CDH13: variants seen among roughly 807,000 people sequenced by gnomAD.
CDH13 encodes cadherin-13.
CDH13 carries 24 observed loss-of-function variants against 63.8 expected under a neutral mutation model. That is an observed-to-expected ratio of 0.38 (90% confidence interval 0.27 to 0.53). CDH13 has a LOEUF of 0.53. Among genes scored for constraint, CDH13 ranks in the 20% least tolerant of loss-of-function variants. The pLI, the probability that CDH13 is intolerant of heterozygous loss-of-function variation, is 0.85. For missense variants in CDH13, 1,049 were observed against 903.1 expected, an observed-to-expected ratio of 1.16 and a Z score of -2.07; for synonymous variants, 503 against 355.3, an observed-to-expected ratio of 1.42 and a Z score of -4.67.
intron 2 of CDH13, among the ~76,000 whole-genome samples, chr16:82,870,669 G>C (rs914197766): frequency 6.6e-6 from 1 of 151,974 alleles, no homozygotes. Flanking sequence ...AAATGATAAA[G>C]GTCTGAAGTG....
At position 82,787,732 on chromosome 16, in the gene CDH13, T is replaced by C. The variant is rs151265287; in HGVS notation, c.46-70630T>C. Reference sequence around the variant, plus strand: ...GGCTGGACTCAATCCCAAATTAGGCTCATTAATCATGCTCTTGATTTTAAT... The same window carrying C: ...GGCTGGACTCAATCCCAAATTAGGCCCATTAATCATGCTCTTGATTTTAAT... On this transcript the variant is annotated intron_variant, in intron 1 of 13. Transcript: ENST00000567109. Among the ~76,000 whole-genome samples the C allele has an allele frequency of 4.2e-3, 634 of 149,510 alleles. 5 individuals are homozygous for C. Among genetic ancestry groups the C allele is most frequent in the South Asian group, 0.019 (89 of 4,648 alleles).
At chr16:82,947,825 C>T (rs1379622198) in intron 2 of CDH13, among the ~76,000 whole-genome samples, 1 of 150,778 alleles carries the variant, frequency 6.6e-6, no homozygotes, top group Non-Finnish European at 1.5e-5. Flanking sequence ...TGATAAACTG[C>T]TGAAAGTAGT....
In CDH13 at chr16:82,884,147, T is replaced by C. The variant is rs535716249; in HGVS notation, c.157+25674T>C. On this transcript the variant is annotated intron_variant, in intron 2 of 13. Coordinates refer to ENST00000567109, the MANE Select transcript of CDH13 (RefSeq NM_001257.5). ...TGAATGCATGTCTGCATGCACGCTG[T>C]TTCTTTCCTTATGCTGTTTCTTTCC... is the stretch of plus-strand genomic sequence containing the variant. The C allele has an allele frequency of 1.7e-3, 751 of 455,106 alleles. 10 individuals are homozygous for C. The highest frequency in any genetic ancestry group is 0.011 in the South Asian group (695 of 64,484). The allele number at this position is 455,106 out of a possible 1,614,324, so 28.2% of individuals were successfully genotyped here. A position where few individuals can be genotyped will look rare whatever the true frequency, so the allele number is the denominator to read the frequency against.
At chr16:83,074,715 A>T (rs944139942) in intron 3 of CDH13, among the ~76,000 whole-genome samples, 1 of 152,164 alleles carries the variant, frequency 6.6e-6, no homozygotes, top group African/African-American at 2.4e-5. Context: ...GCCTTCCTTC[A>T]TAGCCATCGT....
chr16:83,759,227 AG>A (rs1913755501), intron 11 of CDH13, among the ~76,000 whole-genome samples: 5 of 152,244 alleles, frequency 3.3e-5, no homozygotes, highest in Admixed American at 2.6e-4. Flanking sequence ...TAGAGAATTC[AG>A]GAAGAATTCC....
rs1241532578 is a variant in CDH13 at position 83,797,033 on chromosome 16, C to T, written c.*2003C>T. The stretch of plus-strand genomic sequence containing the variant: ...CGACTCAGGGACAGGGGAATCTAAG[C>T]CTGTGCATTCACACTCCACAAGATT... On this transcript the variant is annotated 3_prime_UTR_variant, in exon 14 of 14. Transcript: ENST00000567109. 3 of 152,210 alleles carry T rather than the reference C, an allele frequency of 2.0e-5. No homozygotes were observed. The highest frequency in any genetic ancestry group is 4.4e-5 in the Non-Finnish European group (3 of 68,056). The allele number at this position is 152,210 out of a possible 1,614,324, so 9.4% of individuals were successfully genotyped here.
intron 7 of CDH13, among the ~76,000 whole-genome samples, chr16:83,562,869 A>G (rs1213645134): frequency 2.0e-5 from 3 of 152,198 alleles, no homozygotes; most frequent in Non-Finnish European, 4.4e-5. Flanking sequence ...TGTTACTATA[A>G]AGGACCCTGA....
Position 83,746,628 on chromosome 16 carries a change from T to C in CDH13, c.1539-1480T>C, listed in dbSNP as rs188289296. Reference sequence around the variant, plus strand: ...TTTTAAACATCCTTAGACCCAAATCTGGCCATACAAGGCAGAGAAAATCAA... The same window carrying C: ...TTTTAAACATCCTTAGACCCAAATCCGGCCATACAAGGCAGAGAAAATCAA... On this transcript the variant is annotated intron_variant, in intron 10 of 13. Coordinates refer to ENST00000567109, the MANE Select transcript of CDH13 (RefSeq NM_001257.5). Among the ~76,000 whole-genome samples, 490 of 152,260 alleles carry C rather than the reference T, an allele frequency of 3.2e-3. 4 individuals carry two copies. Among genetic ancestry groups the C allele is most frequent in the African/African-American group, 0.011 (474 of 41,562 alleles).
intron 6 of CDH13, among the ~76,000 whole-genome samples, chr16:83,483,413 A>T (rs2151558527): frequency 6.6e-6 from 1 of 152,156 alleles, no homozygotes. Flanking sequence ...AAACAAAAAG[A>T]TATCCTCAGT....
intron 6 of CDH13, among the ~76,000 whole-genome samples, chr16:83,442,433 A>C (rs2072505867): frequency 6.6e-6 from 1 of 152,216 alleles, no homozygotes; most frequent in Admixed American, 6.5e-5. Context: ...GCACAAAGAC[A>C]TCCTTGGCCA....
chr16:82,787,034 C>T (rs979976643), intron 1 of CDH13, among the ~76,000 whole-genome samples: 2 of 152,130 alleles, frequency 1.3e-5, no homozygotes, highest in Non-Finnish European at 2.9e-5. Context: ...CTTGGCTCTA[C>T]TTATTTGAAA....
chr16:83,174,915 A>G (rs2038064737), intron 4 of CDH13, among the ~76,000 whole-genome samples: 2 of 152,090 alleles, frequency 1.3e-5, no homozygotes, highest in African/African-American at 2.4e-5. Context: ...CTCACTCACT[A>G]TCATGAGAAC....
intron 6 of CDH13, among the ~76,000 whole-genome samples, chr16:83,382,446 C>A (rs1220798787): frequency 1.3e-5 from 2 of 152,054 alleles, no homozygotes; most frequent in Non-Finnish European, 2.9e-5. Flanking sequence ...CATGCTGATC[C>A]CCAGCTATTC....
chr16:82,942,038 G>T (rs544191372), intron 2 of CDH13, among the ~76,000 whole-genome samples: 1 of 152,240 alleles, frequency 6.6e-6, no homozygotes, highest in South Asian at 2.1e-4. Context: ...CAGATGTTCT[G>T]TATTTTAATG....
chr16:82,794,241 ATTC>A (rs1418955507), intron 1 of CDH13, among the ~76,000 whole-genome samples: 2 of 149,958 alleles, frequency 1.3e-5, no homozygotes, highest in South Asian at 2.2e-4. Context: ...GCCAAAGATC[ATTC>A]TTCTTCTTCC....
intron 2 of CDH13, among the ~76,000 whole-genome samples, chr16:82,918,418 G>C (rs533518940): frequency 6.6e-6 from 1 of 151,956 alleles, no homozygotes; most frequent in East Asian, 1.9e-4. Context: ...GGCAGGGCCA[G>C]CATGGTTTTT....
intron 6 of CDH13, among the ~76,000 whole-genome samples, chr16:83,422,866 T>G (rs555540072): frequency 4.5e-4 from 68 of 152,264 alleles, no homozygotes; most frequent in Non-Finnish European, 7.8e-4. Context: ...TCAGAAATGT[T>G]GGGTAGGAAC....
rs1161669088 is a variant in CDH13, at chr16:83,169,566, T to C, written c.483+44065T>C. 2.0e-5 allele frequency among the ~76,000 whole-genome samples: 3 copies of C among 151,868 alleles called. No individual in the cohort carries two copies. In the East Asian group the frequency reaches 5.8e-4, roughly 29 times the overall value. ...TTTAAAAAACAGTGGTAAGGTTTTTTTTTTGTTTCTCCATGTCTTGGGAAG... is the reference window on the plus strand; with the variant it reads ...TTTAAAAAACAGTGGTAAGGTTTTTCTTTTGTTTCTCCATGTCTTGGGAAG... On this transcript the variant is annotated intron_variant, in intron 4 of 13. Coordinates refer to ENST00000567109, the MANE Select transcript of CDH13 (RefSeq NM_001257.5).
chr16:83,460,018 G>C (rs149567198), intron 6 of CDH13, among the ~76,000 whole-genome samples: 2 of 152,118 alleles, frequency 1.3e-5, no homozygotes, highest in African/African-American at 4.8e-5. Context: ...TAATTGATAG[G>C]GGATCAGTAA....
Sources: gnomAD v4.1 joint callset for allele counts (sites outside exome capture counted in the v4.1 genomes callset) on GRCh38, gnomAD v4.1.1 for gene constraint, MANE v1.5 for transcripts, NCBI Gene and HGNC (gene_info 2026-07-23, HGNC 2026-07-21) for gene names.